GANC: variants seen among roughly 807,000 people sequenced by gnomAD.
GANC encodes neutral alpha-glucosidase C.
In GANC, 117 loss-of-function variants were observed where a neutral mutation model predicts 124.2. That is an observed-to-expected ratio of 0.94 (90% CI 0.81 to 1.10). The LOEUF (loss-of-function observed/expected upper bound fraction) is 1.10. Among genes scored for constraint, GANC ranks in the 50% least tolerant of loss-of-function variants. The pLI, the probability that GANC is intolerant of heterozygous loss-of-function variation, is 0.00. For synonymous variants in GANC, 377 were observed against 376.8 expected (o/e 1.00, Z -0.01); for missense variants, 1,140 against 1,095.0 (o/e 1.04, Z -0.58).
chr15:42,349,593 T>C (rs1199249414), intron 22 of GANC, 98 bp downstream of exon 22: 1 of 743,486 alleles, frequency 1.3e-6, no homozygotes, highest in African/African-American at 1.8e-5. Flanking sequence ...TAAGTTACTA[T>C]TTAAAGAAAT....
rs1289270287 is a variant in GANC at position 42,273,352 on chromosome 15, A to G, written c.-1130A>G. The G allele has an allele frequency of 6.2e-7, 1 of 1,614,178 alleles. No individual in the cohort carries two copies. Among genetic ancestry groups the G allele is most frequent in the South Asian group, 1.1e-5 (1 of 91,090 alleles). ...CAGTGGTGACGGGTGAGCTCCCAGA[A>G]GCAGAAGAATGACAGGCAACACCTG... On this transcript the variant is annotated 5_prime_UTR_variant, in exon 1 of 24. Coordinates refer to ENST00000318010, the MANE Select transcript of GANC (RefSeq NM_198141.3).
rs1179334374 is a variant in GANC at position 42,321,774 on chromosome 15, C to T, written c.1058-11C>T. On this transcript the variant is annotated splice_polypyrimidine_tract_variant and intron_variant, in intron 10 of 23. Coordinates refer to ENST00000318010, the MANE Select transcript of GANC (RefSeq NM_198141.3). Reference sequence around the variant, plus strand: ...ATGGCAGTTGACTCAGTTGTCATCTCCCTCTTTTAGGCACACAAGCCATGC... The same window carrying T: ...ATGGCAGTTGACTCAGTTGTCATCTTCCTCTTTTAGGCACACAAGCCATGC... 6.2e-7 allele frequency: 1 copy of T among 1,610,912 alleles called. No homozygotes were observed. The highest frequency in any genetic ancestry group is 8.5e-7 in the Non-Finnish European group (1 of 1,177,194).
chr15:42,303,012 A>G (rs1375625084), intron 6 of GANC, among the ~76,000 whole-genome samples: 2 of 152,176 alleles, frequency 1.3e-5, no homozygotes, highest in African/African-American at 2.4e-5. Flanking sequence ...GAACACCACA[A>G]AGATACTACT....
intron 10 of GANC, among the ~76,000 whole-genome samples, chr15:42,316,464 C>T (rs532145156): frequency 6.6e-6 from 1 of 152,272 alleles, no homozygotes; most frequent in African/African-American, 2.4e-5. Flanking sequence ...GGGGGCCCTT[C>T]CCTTTTAGGC....
intron 11 of GANC, 129 bp downstream of exon 11, chr15:42,322,149 ATAAT>A (rs2141057015): frequency 2.8e-6 from 2 of 724,524 alleles, no homozygotes; most frequent in East Asian, 5.5e-5. Context: ...AGATTCAAAT[ATAAT>A]TGTCACTGTG....
rs574564127 is a variant in GANC at position 42,322,060 on chromosome 15, G to A, written c.1293+40G>A. ...CATTTCTGAACCTTTTAATTACAGAGTTTTAAAAAATGTTTTAGACTTGCC... is the reference window on the plus strand; with the variant it reads ...CATTTCTGAACCTTTTAATTACAGAATTTTAAAAAATGTTTTAGACTTGCC... On this transcript the variant is annotated intron_variant, in intron 11 of 23. Coordinates refer to ENST00000318010, the MANE Select transcript of GANC (RefSeq NM_198141.3). The A allele has an allele frequency of 1.7e-5, 26 of 1,523,780 alleles. No homozygotes were observed. The African/African-American group carries it at 2.2e-4, about 13-fold the overall frequency. The allele number at this position is 1,523,780 out of a possible 1,614,324, so 94.4% of individuals were successfully genotyped here.
chr15:42,337,011 G>C (rs1384638131), intron 15 of GANC, among the ~76,000 whole-genome samples: 1 of 152,158 alleles, frequency 6.6e-6, no homozygotes, highest in Non-Finnish European at 1.5e-5. Flanking sequence ...GCAGAGAAAG[G>C]ACAATGCTTA....
intron 11 of GANC, among the ~76,000 whole-genome samples, chr15:42,323,559 A>G (rs917437463): frequency 6.6e-6 from 1 of 151,496 alleles, no homozygotes; most frequent in African/African-American, 2.4e-5. Context: ...CTGTAGTGCT[A>G]TGGTGCGATC....
intron 3 of GANC, among the ~76,000 whole-genome samples, chr15:42,284,940 C>T (rs1488471173): frequency 1.3e-5 from 2 of 152,092 alleles, no homozygotes; most frequent in African/African-American, 4.8e-5. Context: ...CTTATATTAT[C>T]TAAGGATTAA....
Position 42,310,740 on chromosome 15 carries a change from A to G in GANC, c.951A>G (p.Arg317=), listed in dbSNP as rs141204390. The change falls in exon 10 of 24, where the codon AGA becomes AGG. Residue 317 remains arginine (R), a synonymous_variant. Coordinates refer to ENST00000318010, the MANE Select transcript of GANC (RefSeq NM_198141.3). ...CAGTTGCTGCTAAACAAAAGGTCAGATCTCGCACTCATGTGCACTGGATGT... is the reference window on the plus strand; with the variant it reads ...CAGTTGCTGCTAAACAAAAGGTCAGGTCTCGCACTCATGTGCACTGGATGT... The part of the protein sequence containing the change: ...MGPVAAKQKV[R]SRTHVHWMSE... 416 of 1,614,088 alleles carry G rather than the reference A, an allele frequency of 2.6e-4. 3 individuals are homozygous for G. In the African/African-American group the frequency reaches 4.7e-3, roughly 18 times the overall value.
At chr15:42,276,157 G>C (rs1004418831) in intron 1 of GANC, 191 bp from the exon 2 acceptor site, 14 of 435,674 alleles carry the variant, frequency 3.2e-5, no homozygotes, top group Non-Finnish European at 5.5e-5. Flanking sequence ...TACCTCAGAG[G>C]GTTTACAAAA....
chr15:42,342,145 T>A (rs547904257), intron 18 of GANC, among the ~76,000 whole-genome samples: 8 of 152,286 alleles, frequency 5.3e-5, no homozygotes, highest in African/African-American at 1.9e-4. Flanking sequence ...GGCCACTATA[T>A]CCCCAGAGCC....
rs533199144 is a variant in GANC, at chr15:42,283,368, A to AGTT, written c.202-4310_202-4308dup. On this transcript the variant is annotated intron_variant, in intron 3 of 23. Transcript: ENST00000318010. Reference sequence around the variant, plus strand: ...AGTGTTGACTGCTTTTGTAGAACTCAGTTGTTGTTGTTGTTTTCCTACTAC... The same window carrying AGTT: ...AGTGTTGACTGCTTTTGTAGAACTCAGTTGTTGTTGTTGTTGTTTTCCTACTAC... Among the ~76,000 whole-genome samples, 83 of 152,318 alleles carry AGTT rather than the reference A, an allele frequency of 5.4e-4. No individual in the cohort carries two copies. The East Asian group carries it at 0.014, about 25-fold the overall frequency.
chr15:42,314,891 T>A (rs937882835), intron 10 of GANC: 1 of 152,246 alleles, frequency 6.6e-6, no homozygotes, highest in African/African-American at 2.4e-5. Flanking sequence ...CTACTAAGAC[T>A]ACACTTAACT....
At chr15:42,276,183 A>T in intron 1 of GANC, 165 bp from the exon 2 acceptor site, 1 of 513,578 alleles carries the variant, frequency 1.9e-6, no homozygotes. Context: ...TTGTTCTGCA[A>T]CATAATGTGC....
intron 8 of GANC, 102 bp downstream of exon 8, chr15:42,308,420 C>A: frequency 1.5e-6 from 1 of 678,272 alleles, no homozygotes; most frequent in Non-Finnish European, 2.6e-6. Context: ...ATGTGCCAGG[C>A]CTTTTCCTCC....
In GANC at chr15:42,352,372, G is replaced by A; in HGVS notation, c.*233G>A. The A allele has an allele frequency of 7.6e-7, 1 of 1,310,486 alleles. No individual in the cohort carries two copies. Among genetic ancestry groups the A allele is most frequent in the Non-Finnish European group, 9.8e-7 (1 of 1,023,478 alleles). 81.2% of individuals were successfully genotyped at this position (1,310,486 alleles called of 1,614,324 possible). Reference sequence around the variant, plus strand: ...GTATCAAACATCTCCTTTTCTCCCTGATACATAGCCCTGAGACATTTATAG... The same window carrying A: ...GTATCAAACATCTCCTTTTCTCCCTAATACATAGCCCTGAGACATTTATAG... On this transcript the variant is annotated 3_prime_UTR_variant, in exon 24 of 24. Coordinates refer to ENST00000318010, the MANE Select transcript of GANC (RefSeq NM_198141.3).
chr15:42,331,799 A>T (rs2052247583), intron 15 of GANC, among the ~76,000 whole-genome samples: 1 of 152,170 alleles, frequency 6.6e-6, no homozygotes, highest in South Asian at 2.1e-4. Flanking sequence ...ATGTTTAAAA[A>T]ATTTTTTTTC....
At chr15:42,326,174 A>T (rs2052196886) in intron 11 of GANC, 124 bp from the exon 12 acceptor site, 3 of 683,240 alleles carry the variant, frequency 4.4e-6, no homozygotes, top group Non-Finnish European at 5.2e-6. Flanking sequence ...TTTTGTCTGA[A>T]ATATTTCAAT....
Sources: gnomAD v4.1 joint callset for allele counts (sites outside exome capture counted in the v4.1 genomes callset) on GRCh38, gnomAD v4.1.1 for gene constraint, MANE v1.5 for transcripts, NCBI Gene and HGNC (gene_info 2026-07-23, HGNC 2026-07-21) for gene names.